The following ANKS1A variants were observed in gnomAD, a reference collection of about 807,000 sequenced individuals.
ANKS1A encodes the protein ankyrin repeat and SAM domain-containing protein 1A.
A neutral mutation model predicts 120.3 loss-of-function variants in ANKS1A; 55 were observed. The observed-to-expected ratio is 0.46, with a 90% CI of 0.37 to 0.57. The LOEUF (loss-of-function observed/expected upper bound fraction) is 0.57. Ranked by LOEUF, ANKS1A falls within the 20% of genes least tolerant of loss-of-function variation. The probability of loss-of-function intolerance (pLI) is 0.00; values close to 1 mark genes in which losing one functional copy is unlikely to be tolerated. For missense variants in ANKS1A, 1,123 were observed against 1,480.3 expected, an observed-to-expected ratio of 0.76 and a Z score of 3.96; for synonymous variants, 590 against 604.7, an observed-to-expected ratio of 0.98 and a Z score of 0.36.
In ANKS1A at chr6:35,086,255, T is replaced by C; in HGVS notation, c.3303+319T>C. The stretch of plus-strand genomic sequence containing the variant: ...GCCATCCCTGTGTCTGTGTCTGCTT[T>C]GCTCTGCACCCCAGGTGCCGCTGCC... On this transcript the variant is annotated intron_variant, in intron 22 of 23. Transcript: ENST00000360359. The surrounding 1 kb of genome is among the most constrained non-coding windows in gnomAD (Gnocchi z 5.1). 1.5e-6 allele frequency: 2 copies of C among 1,356,968 alleles called. No homozygotes were observed. Among genetic ancestry groups the C allele is most frequent in the East Asian group, 4.2e-5 (1 of 23,866 alleles). The allele number at this position is 1,356,968 out of a possible 1,614,324, so 84.1% of individuals were successfully genotyped here.
In ANKS1A at chr6:34,900,839, G is replaced by C. The variant is rs368945438; in HGVS notation, c.197+11240G>C. 1.2e-4 allele frequency among the ~76,000 whole-genome samples: 18 copies of C among 151,732 alleles called. No individual in the cohort carries two copies. The South Asian group carries it at 3.5e-3, about 30-fold the overall frequency. The stretch of plus-strand genomic sequence containing the variant: ...ACTTTGACTACATACAGTGAGGTAG[G>C]CTCATTAAAAAAAAAAATTGGCAAA... On this transcript the variant is annotated intron_variant, in intron 1 of 23. Coordinates refer to ENST00000360359, the MANE Select transcript of ANKS1A (RefSeq NM_015245.3).
At chr6:34,903,418 T>C (rs1386173273) in intron 1 of ANKS1A, among the ~76,000 whole-genome samples, 1 of 151,782 alleles carries the variant, frequency 6.6e-6, no homozygotes, top group Non-Finnish European at 1.5e-5. Context: ...GGATCATAGC[T>C]CAAGCTCTCC....
At chr6:35,039,661 A>G (rs1775358542) in intron 11 of ANKS1A, 1 of 455,602 alleles carries the variant, frequency 2.2e-6, no homozygotes, top group African/African-American at 2.0e-5. Flanking sequence ...TGCTCTGCAC[A>G]GAAGCCATTC....
In ANKS1A at chr6:35,079,862, C is replaced by G; in HGVS notation, c.2478C>G (p.Ile826Met). ...TGCTCGGCCATCGCAAGCGCATCAT[C>G]GCCTCCCTCGCAGACAGACCGTACG... ...VQLLGHRKRI[I>M]ASLADRPYEE... Residue 826 changes from isoleucine (I) to methionine (M), a missense_variant, in exon 16 of 24, where the codon ATC becomes ATG. Around this residue, in one of 3 missense-constraint regions of ANKS1A, gnomAD observed 904 missense variants for 1,130.4 expected, o/e 0.80. Transcript: ENST00000360359. The G allele has an allele frequency of 6.4e-7, 1 of 1,568,730 alleles. No individual in the cohort carries two copies. The highest frequency in any genetic ancestry group is 8.6e-7 in the Non-Finnish European group (1 of 1,156,708).
intron 1 of ANKS1A, among the ~76,000 whole-genome samples, chr6:34,930,722 A>G (rs1460911912): frequency 6.6e-6 from 1 of 151,990 alleles, no homozygotes; most frequent in Non-Finnish European, 1.5e-5. Flanking sequence ...TGGGAACGTT[A>G]TATCTCCTAA....
chr6:35,067,308 C>A lies in ANKS1A; in HGVS notation c.2184+7055C>A, dbSNP rs149108234. Among the ~76,000 whole-genome samples, 556 of 152,292 alleles carry A rather than the reference C, an allele frequency of 3.7e-3. 13 individuals are homozygous for A. The highest frequency in any genetic ancestry group is 0.029 in the Admixed American group (444 of 15,302). On this transcript the variant is annotated intron_variant, in intron 13 of 23. Transcript: ENST00000360359. ...CTGGGAGGAAACATGTGCTCCCCCT[C>A]CTCTCTGGGCCCATGCACCATGGCC...
At chr6:34,898,853 C>T (rs867780715) in intron 1 of ANKS1A, among the ~76,000 whole-genome samples, 33 of 152,076 alleles carry the variant, frequency 2.2e-4, no homozygotes, top group Admixed American at 1.3e-3. Flanking sequence ...ATGTGATATC[C>T]GTGGTATATA....
At chr6:35,070,803 C>T in intron 13 of ANKS1A, 1 of 470,914 alleles carries the variant, frequency 2.1e-6, no homozygotes, top group African/African-American at 2.0e-5. Context: ...TTATCTTAAC[C>T]CAGACACCCC....
chr6:34,986,950 T>C (rs1772243873), intron 8 of ANKS1A, among the ~76,000 whole-genome samples: 1 of 152,252 alleles, frequency 6.6e-6, no homozygotes, highest in African/African-American at 2.4e-5. Context: ...TAGGGGGCGC[T>C]GCAGTCTTTG....
In ANKS1A at chr6:35,091,242, A is replaced by T; in HGVS notation, c.*2633A>T. 1.0e-6 allele frequency: 1 copy of T among 985,924 alleles called. No individual in the cohort carries two copies. The highest frequency in any genetic ancestry group is 1.2e-6 in the Non-Finnish European group (1 of 829,948). 61.1% of individuals were successfully genotyped at this position (985,924 alleles called of 1,614,324 possible). On this transcript the variant is annotated 3_prime_UTR_variant, in exon 24 of 24. Coordinates refer to ENST00000360359, the MANE Select transcript of ANKS1A (RefSeq NM_015245.3). ...GTCTGATTTTGTCTGAATTATAAAC[A>T]CTTTGAGGTACCAAACATAACCAAT...
At chr6:34,995,436 A>C (rs1054672149) in intron 10 of ANKS1A, among the ~76,000 whole-genome samples, 5 of 151,968 alleles carry the variant, frequency 3.3e-5, no homozygotes, top group African/African-American at 1.2e-4. Flanking sequence ...TATAATTTAG[A>C]TACAGTAAAA....
At chr6:35,066,915 G>A (rs2127595665) in intron 13 of ANKS1A, among the ~76,000 whole-genome samples, 1 of 152,336 alleles carries the variant, frequency 6.6e-6, no homozygotes, top group East Asian at 1.9e-4. Context: ...GAACAAAACA[G>A]CCACTGAGCG....
At chr6:34,920,300 C>T (rs975376642) in intron 1 of ANKS1A, among the ~76,000 whole-genome samples, 30 of 151,894 alleles carry the variant, frequency 2.0e-4, no homozygotes, top group African/African-American at 6.8e-4. Flanking sequence ...ACTGCAGCCT[C>T]GAACTTTTGC....
chr6:34,935,599 C>T (rs535183760), intron 1 of ANKS1A, among the ~76,000 whole-genome samples: 33 of 150,716 alleles, frequency 2.2e-4, no homozygotes, highest in African/African-American at 4.2e-4. Context: ...CATCTTTAAA[C>T]CAAATGCTGA....
At chr6:34,920,272 A>G (rs979283585) in intron 1 of ANKS1A, among the ~76,000 whole-genome samples, 2 of 151,964 alleles carry the variant, frequency 1.3e-5, no homozygotes, top group Non-Finnish European at 2.9e-5. Context: ...CTGGAGTGCA[A>G]TGGCGCAATC....
chr6:34,971,781 A>G (rs1771197189), intron 3 of ANKS1A, among the ~76,000 whole-genome samples: 1 of 152,194 alleles, frequency 6.6e-6, no homozygotes, highest in African/African-American at 2.4e-5. Context: ...GAAAATTAAA[A>G]TAGTGCTCCC....
intron 11 of ANKS1A, among the ~76,000 whole-genome samples, chr6:35,029,550 TA>T (rs1477901911): frequency 2.0e-5 from 3 of 151,596 alleles, no homozygotes; most frequent in African/African-American, 7.3e-5. Context: ...GGTTTCACCA[TA>T]TTAGGCCAGG....
intron 11 of ANKS1A, among the ~76,000 whole-genome samples, chr6:35,036,653 T>C (rs1385645161): frequency 6.6e-6 from 1 of 152,254 alleles, no homozygotes; most frequent in Non-Finnish European, 1.5e-5. Flanking sequence ...CAGTGACTGA[T>C]CTAAAATATT....
At chr6:35,069,389 C>T (rs535707049) in intron 13 of ANKS1A, among the ~76,000 whole-genome samples, 19 of 152,088 alleles carry the variant, frequency 1.2e-4, no homozygotes, top group Admixed American at 1.0e-3. Context: ...CAGCCACAGT[C>T]TGCTTGGTGA....
Sources: gnomAD v4.1 joint callset for allele counts (sites outside exome capture counted in the v4.1 genomes callset) on GRCh38, gnomAD v4.1.1 for gene constraint, gnomAD v4.1.1 regional missense constraint, Gnocchi (gnomAD v3.1) non-coding constraint, MANE v1.5 for transcripts, NCBI Gene and HGNC (gene_info 2026-07-23, HGNC 2026-07-21) for gene names.